PIK3CA: variants seen among roughly 807,000 people sequenced by gnomAD.
The protein encoded by PIK3CA is phosphatidylinositol 4,5-bisphosphate 3-kinase catalytic subunit alpha isoform.
A neutral mutation model predicts 138.2 loss-of-function variants in PIK3CA; 27 were observed. That is an observed-to-expected ratio of 0.20 (90% CI 0.14 to 0.27). PIK3CA has a LOEUF of 0.27. PIK3CA is among the 10% of genes least tolerant of loss of function. The pLI is 1.00. For missense variants in PIK3CA, 544 were observed against 1,277.4 expected (o/e 0.43, Z 8.75); for synonymous variants, 358 against 413.2 (o/e 0.87, Z 1.62).
intron 3 of PIK3CA, among the ~76,000 whole-genome samples, chr3:179,200,744 G>A (rs949958170): frequency 6.6e-5 from 10 of 152,038 alleles, no homozygotes; most frequent in Admixed American, 2.0e-4. Context: ...TTGTCTTCCC[G>A]TTTTCTTCAT....
At chr3:179,163,720 A>G (rs908203423) in intron 1 of PIK3CA, among the ~76,000 whole-genome samples, 1 of 152,206 alleles carries the variant, frequency 6.6e-6, no homozygotes, top group Non-Finnish European at 1.5e-5. Context: ...AAATGCAGGT[A>G]CAAGCATAAG....
intron 6 of PIK3CA, among the ~76,000 whole-genome samples, chr3:179,204,792 C>G (rs1284625407): frequency 6.6e-6 from 1 of 151,652 alleles, no homozygotes; most frequent in Non-Finnish European, 1.5e-5. Flanking sequence ...GAGGCTGAGG[C>G]GGGTGGATCA....
intron 9 of PIK3CA, among the ~76,000 whole-genome samples, chr3:179,215,932 TCCTGTGTGTGCAATCCAG>T (rs1724826693): frequency 6.6e-6 from 1 of 152,120 alleles, no homozygotes; most frequent in African/African-American, 2.4e-5. Context: ...GTAGGAGCCA[TCCTGTGTGTGCAATCCAG>T]GATGTTTAGC....
rs1725280610 is a variant in PIK3CA, at chr3:179,234,213, T to C, written c.3056T>C (p.Ile1019Thr). Reference protein sequence around the residue: ...GMPELQSFDDIAYIRKTLALD... With the variant: ...GMPELQSFDDTAYIRKTLALD... ...CCAGAACTACAATCTTTTGATGACA[T>C]TGCATACATTCGAAAGACCCTAGCC... is the stretch of plus-strand genomic sequence containing the variant. The change falls in exon 21 of 21, where the codon ATT becomes ACT. Residue 1019 changes from isoleucine to threonine, a missense_variant. Ile to Thr is a moderately conservative substitution (Grantham distance 89). This residue lies in a region of PIK3CA where 12 missense variants were observed against 75.3 expected (regional missense o/e 0.16). Coordinates refer to ENST00000263967, the MANE Select transcript of PIK3CA (RefSeq NM_006218.4). The surrounding 1 kb of genome is among the most constrained non-coding windows in gnomAD (Gnocchi z 5.1). 3 of 1,613,800 alleles carry C rather than the reference T, an allele frequency of 1.9e-6. No homozygotes were observed. Among genetic ancestry groups the C allele is most frequent in the Non-Finnish European group, 1.7e-6 (2 of 1,179,794 alleles).
chr3:179,229,935 T>G, intron 18 of PIK3CA, 69 bp from the exon 19 acceptor site: 1 of 955,966 alleles, frequency 1.0e-6, no homozygotes, highest in Non-Finnish European at 1.6e-6. Flanking sequence ...TTGCACCCTG[T>G]TTTCTTTTCT....
At position 179,219,903 on chromosome 3, in the gene PIK3CA, G is replaced by T. The variant is rs189012589; in HGVS notation, c.1912-46G>T. On this transcript the variant is annotated intron_variant, in intron 12 of 20. Coordinates refer to ENST00000263967, the MANE Select transcript of PIK3CA (RefSeq NM_006218.4). This position sits in a 1 kb window ranked among gnomAD's most constrained non-coding sequence, Gnocchi z 4.2. ...TTTCTGAAAAAATTTTCTTTAGATC[G>T]GCCATGCAGAAACTGACCCTGATTT... is the stretch of plus-strand genomic sequence containing the variant. 6.3e-7 allele frequency: 1 copy of T among 1,587,400 alleles called. No individual in the cohort carries two copies. Among genetic ancestry groups the T allele is most frequent in the South Asian group, 1.2e-5 (1 of 84,254 alleles).
chr3:179,197,972 A>G (rs995909643), intron 1 of PIK3CA, among the ~76,000 whole-genome samples: 1 of 152,198 alleles, frequency 6.6e-6, no homozygotes, highest in Non-Finnish European at 1.5e-5. Context: ...AGAGAGAGTC[A>G]TGGATCTTAT....
intron 1 of PIK3CA, among the ~76,000 whole-genome samples, chr3:179,165,967 G>A (rs1359640611): frequency 1.3e-5 from 2 of 152,088 alleles, no homozygotes; most frequent in African/African-American, 2.4e-5. Flanking sequence ...TATTTCCATA[G>A]CCTCTATTAC....
intron 9 of PIK3CA, among the ~76,000 whole-genome samples, chr3:179,214,268 C>CT (rs1724787878): frequency 6.6e-6 from 1 of 152,282 alleles, no homozygotes; most frequent in East Asian, 1.9e-4. Flanking sequence ...TCTCACTAAA[C>CT]TTAACATTTC....
At chr3:179,165,271 T>C (rs896472708) in intron 1 of PIK3CA, among the ~76,000 whole-genome samples, 1 of 152,222 alleles carries the variant, frequency 6.6e-6, no homozygotes, top group African/African-American at 2.4e-5. Flanking sequence ...TTATGACCTA[T>C]ATTGATGCTT....
At chr3:179,199,944 C>T (rs1431943386) in intron 3 of PIK3CA, 45 bp downstream of exon 3, 7 of 1,139,630 alleles carry the variant, frequency 6.1e-6, no homozygotes, top group Non-Finnish European at 9.2e-6. Flanking sequence ...ATAGTGCAGT[C>T]TTCTACCTGT....
intron 1 of PIK3CA, among the ~76,000 whole-genome samples, chr3:179,194,825 T>C (rs1724224142): frequency 1.3e-5 from 2 of 152,188 alleles, no homozygotes; most frequent in South Asian, 4.1e-4. Flanking sequence ...ACTTTACCTC[T>C]CTGAAGCCTT....
intron 1 of PIK3CA, among the ~76,000 whole-genome samples, chr3:179,163,855 A>G (rs1052824607): frequency 6.6e-6 from 1 of 151,948 alleles, no homozygotes; most frequent in African/African-American, 2.4e-5. Context: ...TGAGGGTGCC[A>G]TGCAATGTGC....
intron 17 of PIK3CA, among the ~76,000 whole-genome samples, chr3:179,227,501 T>A (rs1725110514): frequency 6.6e-6 from 1 of 151,934 alleles, no homozygotes; most frequent in Non-Finnish European, 1.5e-5. Flanking sequence ...CTAGAGGAAG[T>A]GATTGACAAT....
At chr3:179,160,836 G>C (rs1002297571) in intron 1 of PIK3CA, among the ~76,000 whole-genome samples, 1 of 151,900 alleles carries the variant, frequency 6.6e-6, no homozygotes, top group African/African-American at 2.4e-5. Context: ...CATAGACTCT[G>C]TTTGTTTGCA....
At chr3:179,232,110 G>A (rs1725227796) in intron 20 of PIK3CA, among the ~76,000 whole-genome samples, 1 of 152,058 alleles carries the variant, frequency 6.6e-6, no homozygotes, top group Non-Finnish European at 1.5e-5. Context: ...AGGCTTTTTA[G>A]TTTAATTAGG....
At chr3:179,183,117 C>G (rs182453256) in intron 1 of PIK3CA, among the ~76,000 whole-genome samples, 1 of 152,270 alleles carries the variant, frequency 6.6e-6, no homozygotes, top group Non-Finnish European at 1.5e-5. Context: ...TGTGAAATAG[C>G]CCTTTTGCCA....
chr3:179,205,642 A>G (rs918095930), intron 6 of PIK3CA, among the ~76,000 whole-genome samples: 20 of 152,212 alleles, frequency 1.3e-4, no homozygotes, highest in Admixed American at 1.3e-4. Context: ...GTTATGGGGA[A>G]CATTTTAAAT....
rs1725364013 is a variant in PIK3CA at position 179,237,992 on chromosome 3, A to G, written c.*3628A>G. The G allele has an allele frequency of 4.6e-6, 1 of 218,450 alleles. No homozygotes were observed. The highest frequency in any genetic ancestry group is 9.2e-6 in the Non-Finnish European group (1 of 108,666). 13.5% of individuals were successfully genotyped at this position (218,450 alleles called of 1,614,324 possible). ...TTTAAAGATAATATGTGGTGTTAAT[A>G]GATTGTGGTGCTTTTACTATTTAAA... is the stretch of plus-strand genomic sequence containing the variant. On this transcript the variant is annotated 3_prime_UTR_variant, in exon 21 of 21. Coordinates refer to ENST00000263967, the MANE Select transcript of PIK3CA (RefSeq NM_006218.4).
Sources: gnomAD v4.1 joint callset for allele counts (sites outside exome capture counted in the v4.1 genomes callset) on GRCh38, gnomAD v4.1.1 for gene constraint, gnomAD v4.1.1 regional missense constraint, Gnocchi (gnomAD v3.1) non-coding constraint, MANE v1.5 for transcripts, NCBI Gene and HGNC (gene_info 2026-07-23, HGNC 2026-07-21) for gene names.